Variants in FRMD5 observed in about 807,000 individuals in gnomAD.
FRMD5 encodes FERM domain containing 5, also known as FERM domain-containing protein 5.
In FRMD5, 20 loss-of-function variants were observed where a neutral mutation model predicts 69.0. The ratio of observed to expected loss-of-function variants is 0.29; its 90% CI spans 0.20 to 0.42. FRMD5 has a LOEUF of 0.42. Ranked by LOEUF, FRMD5 falls within the 10% of genes least tolerant of loss-of-function variation. The pLI, the probability that FRMD5 is intolerant of heterozygous loss-of-function variation, is 1.00. For missense variants in FRMD5, 595 were observed against 708.6 expected (o/e 0.84, Z 1.82); for synonymous variants, 271 against 260.1 (o/e 1.04, Z -0.40).
intron 1 of FRMD5, among the ~76,000 whole-genome samples, chr15:44,048,982 T>G (rs986946632): frequency 1.3e-5 from 2 of 152,222 alleles, no homozygotes; most frequent in Admixed American, 1.3e-4. Context: ...CATGCATTAT[T>G]GCTGTTGCCT....
At chr15:43,917,160 T>C (rs981880485) in intron 4 of FRMD5, among the ~76,000 whole-genome samples, 1 of 152,144 alleles carries the variant, frequency 6.6e-6, no homozygotes, top group Non-Finnish European at 1.5e-5. Context: ...TGGAAAGCCA[T>C]GTGTCTGTGG....
At chr15:43,897,350 G>A (rs1339800293) in intron 7 of FRMD5, among the ~76,000 whole-genome samples, 1 of 151,902 alleles carries the variant, frequency 6.6e-6, no homozygotes, top group Non-Finnish European at 1.5e-5. Context: ...AGCTGGGCGT[G>A]GTAGTGTGCA....
At chr15:44,189,575 A>G (rs1160322461) in intron 1 of FRMD5, among the ~76,000 whole-genome samples, 2 of 145,578 alleles carry the variant, frequency 1.4e-5, no homozygotes, top group African/African-American at 5.1e-5. Flanking sequence ...TGCAAGCTCC[A>G]CCTCCCGGGT....
chr15:44,101,148 CA>C (rs367870738), intron 1 of FRMD5, among the ~76,000 whole-genome samples: 2 of 95,392 alleles, frequency 2.1e-5, no homozygotes, highest in African/African-American at 4.0e-5. Context: ...TACTCCATCT[CA>C]AAAAAAAAAA....
At chr15:43,913,994 C>T (rs2089336997) in intron 4 of FRMD5, among the ~76,000 whole-genome samples, 1 of 152,202 alleles carries the variant, frequency 6.6e-6, no homozygotes, top group African/African-American at 2.4e-5. Flanking sequence ...TGATCTCTTT[C>T]TGGCCTCAGA....
At chr15:43,979,899 C>T (rs986245374) in intron 1 of FRMD5, among the ~76,000 whole-genome samples, 3 of 151,972 alleles carry the variant, frequency 2.0e-5, no homozygotes, top group East Asian at 1.9e-4. Flanking sequence ...AGAAGTCGGG[C>T]GATGCTGTGA....
At chr15:44,176,326 A>C (rs1386257224) in intron 1 of FRMD5, among the ~76,000 whole-genome samples, 1 of 152,172 alleles carries the variant, frequency 6.6e-6, no homozygotes, top group Non-Finnish European at 1.5e-5. Flanking sequence ...CTGGATATCC[A>C]CATGTAATAG....
At chr15:44,183,790 TG>T in intron 1 of FRMD5, among the ~76,000 whole-genome samples, 1 of 152,194 alleles carries the variant, frequency 6.6e-6, no homozygotes, top group Non-Finnish European at 1.5e-5. Context: ...GAGATCAGCC[TG>T]GTCAACATGG....
Position 43,906,879 on chromosome 15 carries a change from G to A in FRMD5, c.428-928C>T, listed in dbSNP as rs991854459. On this transcript the variant is annotated intron_variant, in intron 5 of 13. Coordinates refer to ENST00000417257, the MANE Select transcript of FRMD5 (RefSeq NM_032892.5). ...GCCTCCCAAAGTGCTGGGATTACAG[G>A]CGTGAGCCACCGCACCCGGCCGAGA... Among the ~76,000 whole-genome samples the A allele has an allele frequency of 5.3e-5, 8 of 152,078 alleles. No homozygotes were observed. The South Asian group carries it at 8.3e-4, about 16-fold the overall frequency.
chr15:43,908,272 G>A (rs1425258068), intron 5 of FRMD5, among the ~76,000 whole-genome samples: 2 of 145,638 alleles, frequency 1.4e-5, no homozygotes, highest in Non-Finnish European at 3.0e-5. Context: ...AGGTTGCAGT[G>A]AGCCGAGATC....
chr15:43,954,990 T>C (rs1262086064), intron 1 of FRMD5, among the ~76,000 whole-genome samples: 1 of 152,190 alleles, frequency 6.6e-6, no homozygotes, highest in Non-Finnish European at 1.5e-5. Context: ...CATGCTCCCA[T>C]TGCAAATCAA....
chr15:43,917,983 G>A (rs1478393805), intron 4 of FRMD5, among the ~76,000 whole-genome samples: 1 of 152,210 alleles, frequency 6.6e-6, no homozygotes, highest in African/African-American at 2.4e-5. Flanking sequence ...CCATGCCGAA[G>A]AAGCCACTTT....
chr15:43,933,254 G>C (rs948955239), intron 1 of FRMD5, among the ~76,000 whole-genome samples: 1 of 152,172 alleles, frequency 6.6e-6, no homozygotes, highest in Non-Finnish European at 1.5e-5. Flanking sequence ...AGAGGAGAAG[G>C]AGGCAAGATA....
At chr15:43,876,215 T>C in intron 13 of FRMD5, 8 of 1,590,646 alleles carry the variant, frequency 5.0e-6, no homozygotes, top group Non-Finnish European at 6.9e-6. Flanking sequence ...TCCCCGCTTT[T>C]CCAGAACCAC....
chr15:44,025,137 G>T (rs1181850205), intron 1 of FRMD5, among the ~76,000 whole-genome samples: 1 of 152,170 alleles, frequency 6.6e-6, no homozygotes, highest in Non-Finnish European at 1.5e-5. Flanking sequence ...CCAACAGAAA[G>T]TTCTCAACAT....
chr15:43,979,801 A>G (rs1020188567), intron 1 of FRMD5, among the ~76,000 whole-genome samples: 2 of 152,208 alleles, frequency 1.3e-5, no homozygotes, highest in African/African-American at 2.4e-5. Context: ...CAAATGATAG[A>G]AAAGCCTGGG....
intron 1 of FRMD5, among the ~76,000 whole-genome samples, chr15:43,962,184 G>A (rs865828025): frequency 1.3e-5 from 2 of 152,174 alleles, no homozygotes; most frequent in African/African-American, 4.8e-5. Context: ...ATCTCCTTAA[G>A]CTGATAAGCA....
At chr15:43,984,062 CA>C (rs1817992277) in intron 1 of FRMD5, among the ~76,000 whole-genome samples, 1 of 152,122 alleles carries the variant, frequency 6.6e-6, no homozygotes, top group Admixed American at 6.5e-5. Flanking sequence ...TGTTTTTCTT[CA>C]AGCCAGAATG....
chr15:44,192,277 T>C (rs2078209933), intron 1 of FRMD5, among the ~76,000 whole-genome samples: 1 of 152,160 alleles, frequency 6.6e-6, no homozygotes, highest in South Asian at 2.1e-4. Flanking sequence ...CAGAATTTCT[T>C]ATAACTGAAA....
Sources: gnomAD v4.1 joint callset for allele counts (sites outside exome capture counted in the v4.1 genomes callset) on GRCh38, gnomAD v4.1.1 for gene constraint, MANE v1.5 for transcripts, NCBI Gene and HGNC (gene_info 2026-07-23, HGNC 2026-07-21) for gene names.